SRGAP3: variants seen among roughly 807,000 people sequenced by gnomAD.
SRGAP3 encodes the protein SLIT-ROBO Rho GTPase-activating protein 3.
SRGAP3 carries 39 observed loss-of-function variants against 121.1 expected under a neutral mutation model. The ratio of observed to expected loss-of-function variants is 0.32; its 90% CI spans 0.25 to 0.42. The LOEUF is 0.42. Among genes scored for constraint, SRGAP3 ranks in the 10% least tolerant of loss-of-function variants. The pLI, the probability that SRGAP3 is intolerant of heterozygous loss-of-function variation, is 1.00. For missense variants in SRGAP3, 1,213 were observed against 1,470.6 expected, an observed-to-expected ratio of 0.82 and a Z score of 2.86; for synonymous variants, 601 against 570.0, an observed-to-expected ratio of 1.05 and a Z score of -0.77.
intron 1 of SRGAP3, among the ~76,000 whole-genome samples, chr3:9,225,318 G>C (rs1331786548): frequency 6.6e-6 from 1 of 152,206 alleles, no homozygotes; most frequent in Non-Finnish European, 1.5e-5. Context: ...AGGATGGTCA[G>C]CAGCTTCCAG....
At chr3:9,128,382 G>A (rs1949319582) in intron 1 of SRGAP3, among the ~76,000 whole-genome samples, 1 of 152,146 alleles carries the variant, frequency 6.6e-6, no homozygotes, top group Non-Finnish European at 1.5e-5. Context: ...TACATAAGTA[G>A]AGTTTTAAAA....
At chr3:9,000,892 G>C (rs1229313211) in intron 18 of SRGAP3, among the ~76,000 whole-genome samples, 1 of 152,158 alleles carries the variant, frequency 6.6e-6, no homozygotes, top group African/African-American at 2.4e-5. Context: ...AAACCCACTG[G>C]CATCTCAGGG....
intron 1 of SRGAP3, among the ~76,000 whole-genome samples, chr3:9,351,970 C>G (rs563544235): frequency 1.3e-5 from 2 of 152,154 alleles, no homozygotes; most frequent in Non-Finnish European, 1.5e-5. Flanking sequence ...CTGGAAACAA[C>G]GGCAGCTGGG....
At chr3:9,238,880 AAAG>A (rs1433302290) in intron 1 of SRGAP3, among the ~76,000 whole-genome samples, 2 of 152,196 alleles carry the variant, frequency 1.3e-5, no homozygotes, top group Non-Finnish European at 2.9e-5. Flanking sequence ...CATGAGGAAC[AAAG>A]AAGGATTGCT....
intron 1 of SRGAP3, among the ~76,000 whole-genome samples, chr3:9,232,624 C>CA (rs373139595): frequency 2.0e-5 from 3 of 151,806 alleles, no homozygotes; most frequent in Non-Finnish European, 1.5e-5. Flanking sequence ...CTTTTGCTTT[C>CA]AAAAAAAAGA....
chr3:9,063,784 T>G (rs1946291913), intron 5 of SRGAP3, among the ~76,000 whole-genome samples: 1 of 152,202 alleles, frequency 6.6e-6, no homozygotes, highest in African/African-American at 2.4e-5. Flanking sequence ...AGAGGTGTTG[T>G]AAACGTGGCA....
chr3:9,283,652 C>T (rs1206528708), intron 3 of SRGAP3, among the ~76,000 whole-genome samples: 1 of 151,958 alleles, frequency 6.6e-6, no homozygotes, highest in African/African-American at 2.4e-5. Context: ...GCTAAATACC[C>T]AAGCTAGAGC....
At chr3:9,357,494 T>G (rs1227667299) in intron 1 of SRGAP3, among the ~76,000 whole-genome samples, 1 of 151,862 alleles carries the variant, frequency 6.6e-6, no homozygotes, top group Non-Finnish European at 1.5e-5. Flanking sequence ...CTCCCACTTC[T>G]GCCTCCCAAT....
chr3:9,225,465 C>G (rs77171951), intron 1 of SRGAP3, among the ~76,000 whole-genome samples: 9,572 of 152,202 alleles, frequency 0.063, 369 homozygotes, highest in East Asian at 0.17. Context: ...TAAGGAAAAC[C>G]ACTGGGGGCC....
At chr3:9,213,254 T>C (rs1305496956) in intron 1 of SRGAP3, among the ~76,000 whole-genome samples, 1 of 151,944 alleles carries the variant, frequency 6.6e-6, no homozygotes, top group Non-Finnish European at 1.5e-5. Context: ...CAAAGGCCTA[T>C]AAAAACCCTT....
At position 9,082,731 on chromosome 3, in the gene SRGAP3, G is replaced by T. The variant is rs910474137; in HGVS notation, c.424-2644C>A. ...ACCAGCTGCTAATGGGCAAAGAACA[G>T]CCTTCCTCTCACCCTTGCAGAGGTG... On this transcript the variant is annotated intron_variant, in intron 3 of 21. Transcript: ENST00000383836. 2.0e-5 allele frequency among the ~76,000 whole-genome samples: 3 copies of T among 152,198 alleles called. No individual in the cohort carries two copies. In the East Asian group the frequency reaches 5.8e-4, roughly 29 times the overall value.
At chr3:9,348,223 T>C (rs1470043897) in intron 1 of SRGAP3, among the ~76,000 whole-genome samples, 1 of 152,134 alleles carries the variant, frequency 6.6e-6, no homozygotes, top group Non-Finnish European at 1.5e-5. Flanking sequence ...TTCTCTGTGG[T>C]AGGTGAAATG....
At chr3:9,150,030 TAAACAGACCACGAAGGAGG>T (rs1950163813) in intron 1 of SRGAP3, among the ~76,000 whole-genome samples, 2 of 151,656 alleles carry the variant, frequency 1.3e-5, no homozygotes, top group African/African-American at 4.9e-5. Flanking sequence ...CTTCATGGAG[TAAACAGACCACGAAGGAGG>T]ACTGACAAGC....
intron 3 of SRGAP3, among the ~76,000 whole-genome samples, chr3:9,314,610 GC>G (rs775987355): frequency 6.7e-5 from 10 of 149,596 alleles, no homozygotes; most frequent in Non-Finnish European, 1.0e-4. Flanking sequence ...TCTTACTATA[GC>G]CCCCTCACAA....
At chr3:9,247,169 C>A (rs1383413824) in intron 1 of SRGAP3, among the ~76,000 whole-genome samples, 2 of 152,058 alleles carry the variant, frequency 1.3e-5, no homozygotes, top group Non-Finnish European at 2.9e-5. Flanking sequence ...TAATAATTGG[C>A]CAAATTCATT....
chr3:9,222,399 G>A (rs939800509), intron 1 of SRGAP3, among the ~76,000 whole-genome samples: 11 of 152,150 alleles, frequency 7.2e-5, no homozygotes, highest in Non-Finnish European at 1.5e-4. Flanking sequence ...CCAGCCTGGG[G>A]CCAACTGCAT....
At chr3:8,988,458 T>C (rs1430378710) in intron 21 of SRGAP3, among the ~76,000 whole-genome samples, 1 of 152,194 alleles carries the variant, frequency 6.6e-6, no homozygotes, top group Non-Finnish European at 1.5e-5. Flanking sequence ...AATTCCCTAT[T>C]TGACCTCTGT....
At chr3:9,013,066 T>C (rs897687528) in intron 17 of SRGAP3, among the ~76,000 whole-genome samples, 3 of 152,174 alleles carry the variant, frequency 2.0e-5, no homozygotes, top group Non-Finnish European at 2.9e-5. Flanking sequence ...TTTACTTAAG[T>C]AAATCAATAA....
At chr3:9,165,551 T>C (rs542523146) in intron 1 of SRGAP3, among the ~76,000 whole-genome samples, 1 of 152,334 alleles carries the variant, frequency 6.6e-6, no homozygotes, top group African/African-American at 2.4e-5. Flanking sequence ...TTTCCAGGGT[T>C]CTGATCACGT....
Sources: allele counts gnomAD v4.1 joint callset (sites outside exome capture counted in the v4.1 genomes callset), GRCh38; gene constraint gnomAD v4.1.1; transcripts MANE v1.5; gene names NCBI Gene and HGNC (gene_info 2026-07-23, HGNC 2026-07-21).